Variants in THSD4 observed in about 807,000 individuals in gnomAD.
The protein encoded by THSD4 is thrombospondin type 1 domain containing 4.
In THSD4, 69 loss-of-function variants were observed where a neutral mutation model predicts 119.0. The ratio of observed to expected loss-of-function variants is 0.58; its 90% CI spans 0.48 to 0.71. The LOEUF (loss-of-function observed/expected upper bound fraction) is 0.71, where lower values mean the gene tolerates loss of function less well. Among genes scored for constraint, THSD4 ranks in the 30% least tolerant of loss-of-function variants. THSD4 has a pLI of 0.00. For missense variants in THSD4, 1,393 were observed against 1,391.1 expected, an observed-to-expected ratio of 1.00 and a Z score of -0.02; for synonymous variants, 524 against 540.4, an observed-to-expected ratio of 0.97 and a Z score of 0.42.
chr15:71,664,303 A>C (rs2051372334), intron 8 of THSD4, among the ~76,000 whole-genome samples: 1 of 151,116 alleles, frequency 6.6e-6, no homozygotes. Flanking sequence ...AACTTTTACA[A>C]CTTTATTTTT....
Position 71,741,684 on chromosome 15 carries a change from TACACACACACACACAC to T in THSD4, c.1907-3393_1907-3378del, listed in dbSNP as rs56080459. Reference sequence around the variant, plus strand: ...GCCCATATACACCCATGTGTGCATGTACACACACACACACACACACACACACACACACACACACACA... The same window carrying T: ...GCCCATATACACCCATGTGTGCATGTACACACACACACACACACACACACA... On this transcript the variant is annotated intron_variant, in intron 11 of 17. Transcript: ENST00000261862. Among the ~76,000 whole-genome samples the T allele has an allele frequency of 3.1e-3, 455 of 145,834 alleles. 3 individuals carry two copies. The highest frequency in any genetic ancestry group is 9.2e-3 in the African/African-American group (358 of 38,902).
chr15:71,370,073 G>A (rs573533001), intron 6 of THSD4, among the ~76,000 whole-genome samples: 1 of 152,228 alleles, frequency 6.6e-6, no homozygotes, highest in South Asian at 2.1e-4. Flanking sequence ...TTGTGTAGAG[G>A]TGTTTATAGT....
At chr15:71,468,158 G>T (rs1293315177) in intron 7 of THSD4, among the ~76,000 whole-genome samples, 1 of 152,128 alleles carries the variant, frequency 6.6e-6, no homozygotes, top group African/African-American at 2.4e-5. Context: ...CAATCTGATG[G>T]TTTTATAAAG....
intron 6 of THSD4, among the ~76,000 whole-genome samples, chr15:71,378,993 A>C (rs2046189311): frequency 6.6e-6 from 1 of 152,172 alleles, no homozygotes; most frequent in Non-Finnish European, 1.5e-5. Flanking sequence ...TATGTTGCCT[A>C]GGCTGGTCTT....
intron 7 of THSD4, among the ~76,000 whole-genome samples, chr15:71,616,952 A>C (rs528487989): frequency 6.0e-4 from 91 of 152,364 alleles, no homozygotes; most frequent in African/African-American, 2.1e-3. Context: ...ACAGTAACCC[A>C]TGCCTGTAAT....
intron 6 of THSD4, among the ~76,000 whole-genome samples, chr15:71,363,380 C>A (rs1403588793): frequency 6.6e-6 from 1 of 152,082 alleles, no homozygotes; most frequent in Non-Finnish European, 1.5e-5. Flanking sequence ...TTTGCTTTCT[C>A]ACCTTCTCAA....
intron 7 of THSD4, among the ~76,000 whole-genome samples, chr15:71,472,886 A>G (rs1209457594): frequency 6.6e-6 from 1 of 152,206 alleles, no homozygotes; most frequent in Non-Finnish European, 1.5e-5. Flanking sequence ...TGGAGGAGGC[A>G]GTGTGAGTTG....
In THSD4 at chr15:71,238,123, A is replaced by G. The variant is rs560134574; in HGVS notation, c.465-4526A>G. Among the ~76,000 whole-genome samples, 7 of 151,560 alleles carry G rather than the reference A, an allele frequency of 4.6e-5. No homozygotes were observed. The South Asian group carries it at 8.4e-4, about 18-fold the overall frequency. ...CAGGGCTGGAAATGTGAACAAGTGG[A>G]AAAAAAAATCACACATGATGCTCAA... On this transcript the variant is annotated intron_variant, in intron 4 of 17. Coordinates refer to ENST00000261862, the MANE Select transcript of THSD4 (RefSeq NM_024817.3).
chr15:71,385,702 A>G (rs2046286773), intron 6 of THSD4, among the ~76,000 whole-genome samples: 1 of 152,172 alleles, frequency 6.6e-6, no homozygotes, highest in Non-Finnish European at 1.5e-5. Context: ...CCTAAATTAG[A>G]TTTATGGTTT....
chr15:71,397,236 C>T (rs2046465922), intron 6 of THSD4, among the ~76,000 whole-genome samples: 1 of 152,150 alleles, frequency 6.6e-6, no homozygotes, highest in Admixed American at 6.5e-5. Flanking sequence ...TCCTTCCTCC[C>T]CTCCCCTTCA....
At chr15:71,550,232 C>T (rs1346748510) in intron 7 of THSD4, among the ~76,000 whole-genome samples, 1 of 152,158 alleles carries the variant, frequency 6.6e-6, no homozygotes, top group Non-Finnish European at 1.5e-5. Context: ...AGCTTCTTTG[C>T]AGGATGCAGC....
chr15:71,450,021 C>A (rs927079074), intron 7 of THSD4, among the ~76,000 whole-genome samples: 1 of 152,192 alleles, frequency 6.6e-6, no homozygotes, highest in Non-Finnish European at 1.5e-5. Flanking sequence ...CCTAGGGCAG[C>A]TGTCCAGGGT....
At chr15:71,745,698 C>T (rs1018757822) in intron 12 of THSD4, among the ~76,000 whole-genome samples, 2 of 152,160 alleles carry the variant, frequency 1.3e-5, no homozygotes, top group African/African-American at 4.8e-5. Flanking sequence ...GTTGCCCAGG[C>T]CAGATTGCAG....
intron 7 of THSD4, among the ~76,000 whole-genome samples, chr15:71,428,228 T>C (rs1234960268): frequency 1.3e-5 from 2 of 152,224 alleles, no homozygotes; most frequent in Non-Finnish European, 2.9e-5. Context: ...ATACTCATTG[T>C]ATGCAAAGTC....
intron 8 of THSD4, among the ~76,000 whole-genome samples, chr15:71,668,600 A>G (rs982875618): frequency 2.0e-5 from 3 of 152,174 alleles, no homozygotes; most frequent in Non-Finnish European, 4.4e-5. Context: ...CAAATACGGA[A>G]AGGAACTAGG....
chr15:71,768,977 C>CT (rs1567144114), intron 16 of THSD4, among the ~76,000 whole-genome samples: 13 of 93,624 alleles, frequency 1.4e-4, no homozygotes, highest in Non-Finnish European at 2.2e-4. Flanking sequence ...GTCGGCCCCC[C>CT]GCCCGGCCAG....
intron 3 of THSD4, among the ~76,000 whole-genome samples, chr15:71,196,228 T>C (rs1298767095): frequency 6.6e-6 from 1 of 152,090 alleles, no homozygotes; most frequent in East Asian, 1.9e-4. Flanking sequence ...AATTACCTCC[T>C]AGAGGCCCCA....
chr15:71,379,092 A>G (rs1390676882), intron 6 of THSD4, among the ~76,000 whole-genome samples: 1 of 151,984 alleles, frequency 6.6e-6, no homozygotes, highest in African/African-American at 2.4e-5. Context: ...CCAGAGGGTA[A>G]CTTGTTTTAA....
intron 7 of THSD4, among the ~76,000 whole-genome samples, chr15:71,649,037 C>T (rs1392986): frequency 0.26 from 39,731 of 152,052 alleles, 5,817 homozygotes; most frequent in East Asian, 0.64. Context: ...GAAGAAAAGA[C>T]GTTTTGAACA....
Sources: allele counts gnomAD v4.1 joint callset (sites outside exome capture counted in the v4.1 genomes callset), GRCh38; gene constraint gnomAD v4.1.1; transcripts MANE v1.5; gene names NCBI Gene and HGNC (gene_info 2026-07-23, HGNC 2026-07-21).